RFTN1: variants seen among roughly 807,000 people sequenced by gnomAD.
The protein encoded by RFTN1 is raftlin, lipid raft linker 1.
Under a neutral mutation model 46.5 loss-of-function variants are expected in RFTN1, and 26 were observed. The ratio of observed to expected loss-of-function variants is 0.56; its 90% CI spans 0.41 to 0.78. The LOEUF (loss-of-function observed/expected upper bound fraction) is 0.78, where lower values mean the gene tolerates loss of function less well. Among genes scored for constraint, RFTN1 ranks in the 30% least tolerant of loss-of-function variants. The probability of loss-of-function intolerance (pLI) is 0.00; values close to 1 mark genes in which losing one functional copy is unlikely to be tolerated. For synonymous variants in RFTN1, 261 were observed against 284.2 expected (o/e 0.92, Z 0.82); for missense variants, 693 against 718.7 (o/e 0.96, Z 0.41).
chr3:16,500,915 C>T lies in RFTN1; in HGVS notation c.-8-7038G>A, dbSNP rs2076700325. ...AGACAATGACGAGATACCCATGGTG[C>T]AGTATGGCTGACTGTTCGGGAAGTC... On this transcript the variant is annotated intron_variant, in intron 1 of 9. Coordinates refer to ENST00000334133, the MANE Select transcript of RFTN1 (RefSeq NM_015150.2). The surrounding 1 kb of genome is among the most constrained non-coding windows in gnomAD (Gnocchi z 5.9). Among the ~76,000 whole-genome samples the T allele has an allele frequency of 6.6e-6, 1 of 152,192 alleles. No homozygotes were observed. Among genetic ancestry groups the T allele is most frequent in the Admixed American group, 6.5e-5 (1 of 15,290 alleles).
At chr3:16,362,588 C>A (rs907062420) in intron 6 of RFTN1, among the ~76,000 whole-genome samples, 3 of 152,106 alleles carry the variant, frequency 2.0e-5, no homozygotes, top group Non-Finnish European at 4.4e-5. Context: ...ATGCTTGAGA[C>A]CAGAAGACAC....
intron 6 of RFTN1, 55 bp from the exon 7 acceptor site, chr3:16,358,102 GAA>G: frequency 1.0e-6 from 1 of 969,576 alleles, no homozygotes; most frequent in Non-Finnish European, 1.7e-6. Context: ...GTCTGTGGCA[GAA>G]GTCTTCTAAG....
chr3:16,334,112 C>T lies in RFTN1; in HGVS notation c.1147-7236G>A, dbSNP rs140262746. Among the ~76,000 whole-genome samples, 1 of 152,274 alleles carries T rather than the reference C, an allele frequency of 6.6e-6. No individual in the cohort carries two copies. Among genetic ancestry groups the T allele is most frequent in the African/African-American group, 2.4e-5 (1 of 41,556 alleles). On this transcript the variant is annotated intron_variant, in intron 7 of 9. Transcript: ENST00000334133. The surrounding 1 kb of genome is among the most constrained non-coding windows in gnomAD (Gnocchi z 4.3). ...CCTAGGAGGCAGAAGCTGCAGTGAGCCGAGATCGTGCCACTGCACTCCAGC... is the reference window on the plus strand; with the variant it reads ...CCTAGGAGGCAGAAGCTGCAGTGAGTCGAGATCGTGCCACTGCACTCCAGC...
At chr3:16,389,029 GA>G (rs2074282257) in intron 4 of RFTN1, among the ~76,000 whole-genome samples, 1 of 151,716 alleles carries the variant, frequency 6.6e-6, no homozygotes, top group African/African-American at 2.4e-5. Context: ...TAAGTTTAAA[GA>G]ATTTAACCAG....
At chr3:16,461,681 C>T (rs959761694) in intron 2 of RFTN1, among the ~76,000 whole-genome samples, 1 of 152,226 alleles carries the variant, frequency 6.6e-6, no homozygotes, top group East Asian at 1.9e-4. Context: ...TTAATAACCC[C>T]ATTTACCTCA....
intron 4 of RFTN1, among the ~76,000 whole-genome samples, chr3:16,389,717 T>C (rs1407755635): frequency 6.6e-6 from 1 of 152,210 alleles, no homozygotes; most frequent in Non-Finnish European, 1.5e-5. Flanking sequence ...CAGACTGTAT[T>C]TTCCAAAGAT....
chr3:16,452,423 T>A lies in RFTN1; in HGVS notation c.146-18386A>T, dbSNP rs985790048. Among the ~76,000 whole-genome samples, 1 of 152,236 alleles carries A rather than the reference T, an allele frequency of 6.6e-6. No individual in the cohort carries two copies. Among genetic ancestry groups the A allele is most frequent in the Non-Finnish European group, 1.5e-5 (1 of 68,034 alleles). ...ATCTTCACAATGTTGATTGAAATGC[T>A]TAGCTACTGTATCATGGGTTTATGC... On this transcript the variant is annotated intron_variant, in intron 2 of 9. Transcript: ENST00000334133. This position sits in a 1 kb window ranked among gnomAD's most constrained non-coding sequence, Gnocchi z 6.3.
chr3:16,443,307 C>G lies in RFTN1; in HGVS notation c.146-9270G>C, dbSNP rs535996535. 2.8e-4 allele frequency among the ~76,000 whole-genome samples: 43 copies of G among 152,240 alleles called. No individual in the cohort carries two copies. Among genetic ancestry groups the G allele is most frequent in the African/African-American group, 1.0e-3 (42 of 41,526 alleles). On this transcript the variant is annotated intron_variant, in intron 2 of 9. Coordinates refer to ENST00000334133, the MANE Select transcript of RFTN1 (RefSeq NM_015150.2). This position sits in a 1 kb window ranked among gnomAD's most constrained non-coding sequence, Gnocchi z 5.5. ...GATATCTCACTGTGGTTTTGATTTG[C>G]ATTTCTCTGATGTTTAGTGATGTTA...
Position 16,335,954 on chromosome 3 carries a change from G to A in RFTN1, c.1147-9078C>T, listed in dbSNP as rs544359363. Among the ~76,000 whole-genome samples the A allele has an allele frequency of 1.3e-4, 20 of 152,346 alleles. No individual in the cohort carries two copies. Among genetic ancestry groups the A allele is most frequent in the African/African-American group, 4.6e-4 (19 of 41,586 alleles). The stretch of plus-strand genomic sequence containing the variant: ...TGGTGGCAGCTGCTAGTGCAGAGGA[G>A]GCAGAGCATGCTGGCGCCTTCTCAG... On this transcript the variant is annotated intron_variant, in intron 7 of 9. Coordinates refer to ENST00000334133, the MANE Select transcript of RFTN1 (RefSeq NM_015150.2). The surrounding 1 kb of genome is among the most constrained non-coding windows in gnomAD (Gnocchi z 4.7).
intron 6 of RFTN1, among the ~76,000 whole-genome samples, chr3:16,365,870 C>G (rs1021122220): frequency 6.6e-6 from 1 of 152,022 alleles, no homozygotes; most frequent in Admixed American, 6.6e-5. Flanking sequence ...TTCAAGCAGT[C>G]AGGGAAAGAA....
intron 1 of RFTN1, among the ~76,000 whole-genome samples, chr3:16,497,115 A>G (rs1050627231): frequency 2.0e-5 from 3 of 152,208 alleles, no homozygotes; most frequent in African/African-American, 7.2e-5. Context: ...CTAGGGTACC[A>G]GCTTTGCTGT....
At chr3:16,437,058 T>G (rs956788888) in intron 2 of RFTN1, among the ~76,000 whole-genome samples, 1 of 152,222 alleles carries the variant, frequency 6.6e-6, no homozygotes, top group African/African-American at 2.4e-5. Context: ...CTGGCAAAAT[T>G]TTGATTTGGT....
chr3:16,432,483 G>A (rs2075408579), intron 3 of RFTN1, among the ~76,000 whole-genome samples: 1 of 152,022 alleles, frequency 6.6e-6, no homozygotes, highest in South Asian at 2.1e-4. Flanking sequence ...ATGCCACTGT[G>A]CTCCAGCCTG....
chr3:16,438,752 C>A (rs543154921), intron 2 of RFTN1, among the ~76,000 whole-genome samples: 1 of 152,052 alleles, frequency 6.6e-6, no homozygotes, highest in Non-Finnish European at 1.5e-5. Flanking sequence ...GTGAGGATCA[C>A]GTGGGATGAT....
chr3:16,500,185 C>G lies in RFTN1; in HGVS notation c.-8-6308G>C, dbSNP rs943306997. ...ACTCCCCCAGTACTTCATCTATGCT[C>G]CATCCTGCTCCCACAGCTCCACCCT... On this transcript the variant is annotated intron_variant, in intron 1 of 9. Coordinates refer to ENST00000334133, the MANE Select transcript of RFTN1 (RefSeq NM_015150.2). This position sits in a 1 kb window ranked among gnomAD's most constrained non-coding sequence, Gnocchi z 5.9. Among the ~76,000 whole-genome samples the G allele has an allele frequency of 6.6e-6, 1 of 152,210 alleles. No individual in the cohort carries two copies. The highest frequency in any genetic ancestry group is 1.5e-5 in the Non-Finnish European group (1 of 68,042).
In RFTN1 at chr3:16,356,025, G is replaced by A. The variant is rs147172042; in HGVS notation, c.1146+1907C>T. Among the ~76,000 whole-genome samples the A allele has an allele frequency of 4.6e-4, 70 of 152,270 alleles. No homozygotes were observed. Among genetic ancestry groups the A allele is most frequent in the African/African-American group, 1.6e-3 (65 of 41,542 alleles). On this transcript the variant is annotated intron_variant, in intron 7 of 9. Transcript: ENST00000334133. The surrounding 1 kb of genome is among the most constrained non-coding windows in gnomAD (Gnocchi z 4.9). Reference sequence around the variant, plus strand: ...CGCTACTGTTACAGCCAAATGTTACGGAGCAAACTGAATGCCGGCTGCTCA... The same window carrying A: ...CGCTACTGTTACAGCCAAATGTTACAGAGCAAACTGAATGCCGGCTGCTCA...
At position 16,468,631 on chromosome 3, in the gene RFTN1, TAAAA is replaced by T. The variant is rs11328874; in HGVS notation, c.145+25090_145+25093del. ...CCTCACGTACAACCCAGCGTTTGAG[TAAAA>T]AAAAAAAAAAAAAAAACTTTACTCA... On this transcript the variant is annotated intron_variant, in intron 2 of 9. Transcript: ENST00000334133. This position sits in a 1 kb window ranked among gnomAD's most constrained non-coding sequence, Gnocchi z 4.4. 3.0e-5 allele frequency among the ~76,000 whole-genome samples: 3 copies of T among 100,160 alleles called. No individual in the cohort carries two copies. Among genetic ancestry groups the T allele is most frequent in the Non-Finnish European group, 4.4e-5 (2 of 45,380 alleles). 65.7% of individuals were successfully genotyped at this position (100,160 alleles called of 152,430 possible).
chr3:16,419,870 A>G (rs988697455), intron 3 of RFTN1, among the ~76,000 whole-genome samples: 2 of 152,196 alleles, frequency 1.3e-5, no homozygotes, highest in African/African-American at 4.8e-5. Context: ...GAAGACATTC[A>G]GCACTTCTGT....
chr3:16,398,072 C>T (rs1430461351), intron 4 of RFTN1, among the ~76,000 whole-genome samples: 6 of 151,736 alleles, frequency 4.0e-5, no homozygotes, highest in Admixed American at 3.9e-4. Context: ...TGGTGAAACC[C>T]CGTCTCTACT....
Sources: allele counts gnomAD v4.1 joint callset (sites outside exome capture counted in the v4.1 genomes callset), GRCh38; gene constraint gnomAD v4.1.1; non-coding constraint Gnocchi (gnomAD v3.1); transcripts MANE v1.5; gene names NCBI Gene and HGNC (gene_info 2026-07-23, HGNC 2026-07-21).